NXPH1: variants seen among roughly 807,000 people sequenced by gnomAD.
NXPH1 encodes the protein neurexophilin 1.
In NXPH1, 5 loss-of-function variants were observed where a neutral mutation model predicts 23.7. That is an observed-to-expected ratio of 0.21 (90% CI 0.11 to 0.44). The LOEUF is 0.44. Among genes scored for constraint, NXPH1 ranks in the 20% least tolerant of loss-of-function variants. The probability of loss-of-function intolerance (pLI) is 0.99; values close to 1 mark genes in which losing one functional copy is unlikely to be tolerated. For missense variants in NXPH1, 324 were observed against 321.6 expected, an observed-to-expected ratio of 1.01 and a Z score of -0.06; for synonymous variants, 144 against 122.2, an observed-to-expected ratio of 1.18 and a Z score of -1.18.
chr7:8,736,337 C>G (rs1780253758), intron 2 of NXPH1, among the ~76,000 whole-genome samples: 1 of 152,116 alleles, frequency 6.6e-6, no homozygotes, highest in Non-Finnish European at 1.5e-5. Context: ...TGTCTTTGTT[C>G]TCACTGGTTT....
chr7:8,491,035 T>A (rs1817240504), intron 2 of NXPH1, among the ~76,000 whole-genome samples: 1 of 152,080 alleles, frequency 6.6e-6, no homozygotes, highest in African/African-American at 2.4e-5. Flanking sequence ...CTGCTTTGGT[T>A]ATTATTTACT....
intron 2 of NXPH1, among the ~76,000 whole-genome samples, chr7:8,592,847 T>A (rs1237929431): frequency 6.6e-6 from 1 of 151,228 alleles, no homozygotes. Flanking sequence ...TTTTTAAATG[T>A]TCCAACCATT....
At chr7:8,525,963 G>C (rs931646143) in intron 2 of NXPH1, among the ~76,000 whole-genome samples, 18 of 151,210 alleles carry the variant, frequency 1.2e-4, no homozygotes, top group Middle Eastern at 3.2e-3. Flanking sequence ...GTGGAGGTGT[G>C]AGAAGAGGGC....
chr7:8,525,080 G>T (rs530419472), intron 2 of NXPH1, among the ~76,000 whole-genome samples: 1 of 152,326 alleles, frequency 6.6e-6, no homozygotes, highest in Admixed American at 6.5e-5. Context: ...ACTTCCTAGA[G>T]ACTTGTTGAA....
At chr7:8,672,977 T>G (rs1159041628) in intron 2 of NXPH1, among the ~76,000 whole-genome samples, 1 of 152,144 alleles carries the variant, frequency 6.6e-6, no homozygotes, top group Admixed American at 6.5e-5. Flanking sequence ...TTACTTACCA[T>G]CAAGATTGCT....
At chr7:8,744,362 T>C (rs1231829636) in intron 2 of NXPH1, among the ~76,000 whole-genome samples, 1 of 152,180 alleles carries the variant, frequency 6.6e-6, no homozygotes, top group Non-Finnish European at 1.5e-5. Context: ...CATTATAATA[T>C]TATAGAAAAT....
At chr7:8,519,805 A>G (rs1347309260) in intron 2 of NXPH1, among the ~76,000 whole-genome samples, 1 of 152,194 alleles carries the variant, frequency 6.6e-6, no homozygotes. Flanking sequence ...TAACAAGAAA[A>G]AAATATATAT....
Position 8,576,245 on chromosome 7 carries a change from A to G in NXPH1, c.54+140478A>G, listed in dbSNP as rs1562408616. On this transcript the variant is annotated intron_variant, in intron 2 of 2. Transcript: ENST00000405863. ...TTTCCATACTTAGCAAACATCAACT[A>G]TGCCTTGAACACTGTGTTGGGCACT... 2.6e-5 allele frequency among the ~76,000 whole-genome samples: 4 copies of G among 152,258 alleles called. No individual in the cohort carries two copies. The East Asian group carries it at 7.7e-4, about 29-fold the overall frequency.
At chr7:8,597,767 C>G (rs944701482) in intron 2 of NXPH1, among the ~76,000 whole-genome samples, 2 of 151,938 alleles carry the variant, frequency 1.3e-5, no homozygotes, top group Admixed American at 1.3e-4. Context: ...GGCAACATGC[C>G]TTACTACTCT....
intron 2 of NXPH1, among the ~76,000 whole-genome samples, chr7:8,583,050 G>T (rs1245186434): frequency 6.6e-6 from 1 of 152,024 alleles, no homozygotes; most frequent in Non-Finnish European, 1.5e-5. Flanking sequence ...CACCCTGAGT[G>T]TGCATACACT....
chr7:8,467,103 AT>A (rs1435837239), intron 2 of NXPH1, among the ~76,000 whole-genome samples: 1 of 152,174 alleles, frequency 6.6e-6, no homozygotes, highest in Non-Finnish European at 1.5e-5. Context: ...TTAAAAAATT[AT>A]TTGGTATATG....
intron 2 of NXPH1, among the ~76,000 whole-genome samples, chr7:8,441,181 T>C (rs925131360): frequency 6.6e-6 from 1 of 152,166 alleles, no homozygotes; most frequent in East Asian, 1.9e-4. Context: ...CAGGCGAGCC[T>C]GCCAGCCGAG....
intron 2 of NXPH1, among the ~76,000 whole-genome samples, chr7:8,476,695 G>A (rs1041856230): frequency 1.6e-5 from 2 of 122,424 alleles, no homozygotes; most frequent in African/African-American, 6.9e-5. Flanking sequence ...AAGGCTTCAT[G>A]TTAATAAAGA....
intron 2 of NXPH1, among the ~76,000 whole-genome samples, chr7:8,523,967 G>T (rs565213928): frequency 6.6e-6 from 1 of 152,040 alleles, no homozygotes; most frequent in African/African-American, 2.4e-5. Flanking sequence ...ATCTTCAGCC[G>T]GGCACGGTGG....
At chr7:8,481,637 C>T (rs978181586) in intron 2 of NXPH1, among the ~76,000 whole-genome samples, 3 of 152,050 alleles carry the variant, frequency 2.0e-5, no homozygotes, top group Non-Finnish European at 4.4e-5. Context: ...AATAAAAATG[C>T]TTTATCTTGC....
chr7:8,732,605 T>A (rs971996742), intron 2 of NXPH1, among the ~76,000 whole-genome samples: 1 of 152,226 alleles, frequency 6.6e-6, no homozygotes, highest in African/African-American at 2.4e-5. Context: ...GAAGTGTCTG[T>A]TTTAGCAAAG....
chr7:8,545,006 C>G (rs183661750), intron 2 of NXPH1, among the ~76,000 whole-genome samples: 3 of 151,660 alleles, frequency 2.0e-5, no homozygotes, highest in Non-Finnish European at 4.4e-5. Context: ...CTCATCTTTG[C>G]TGCAGTACTG....
chr7:8,665,191 T>G (rs1820740781), intron 2 of NXPH1, among the ~76,000 whole-genome samples: 1 of 152,078 alleles, frequency 6.6e-6, no homozygotes, highest in Admixed American at 6.6e-5. Context: ...TTAAGTTGAT[T>G]TTTGTAAATG....
At chr7:8,526,136 A>C (rs1817858009) in intron 2 of NXPH1, among the ~76,000 whole-genome samples, 1 of 152,210 alleles carries the variant, frequency 6.6e-6, no homozygotes, top group South Asian at 2.1e-4. Context: ...ATGGGAACCC[A>C]CTTCTTGCAT....
Sources: allele counts gnomAD v4.1 joint callset (sites outside exome capture counted in the v4.1 genomes callset), GRCh38; gene constraint gnomAD v4.1.1; transcripts MANE v1.5; gene names NCBI Gene and HGNC (gene_info 2026-07-23, HGNC 2026-07-21).